The following SLC25A21 variants were observed in gnomAD, a reference collection of about 807,000 sequenced individuals.
SLC25A21 encodes the protein solute carrier family 25 member 21, also known as mitochondrial 2-oxodicarboxylate carrier.
SLC25A21 carries 47 observed loss-of-function variants against 43.8 expected under a neutral mutation model. That is an observed-to-expected ratio of 1.07 (90% confidence interval 0.85 to 1.37). The LOEUF is 1.37. Ranked by LOEUF, SLC25A21 falls within the 40% of genes most tolerant of loss-of-function variation. The probability of loss-of-function intolerance (pLI) is 0.00; values close to 1 mark genes in which losing one functional copy is unlikely to be tolerated. For synonymous variants in SLC25A21, 131 were observed against 121.3 expected (o/e 1.08, Z -0.52); for missense variants, 352 against 350.2 (o/e 1.00, Z -0.04).
At chr14:36,993,389 GA>G (rs542623459) in intron 1 of SLC25A21, among the ~76,000 whole-genome samples, 66 of 152,242 alleles carry the variant, frequency 4.3e-4, no homozygotes, top group African/African-American at 1.6e-3. Context: ...AGATTTAATT[GA>G]GAAAATAATT....
chr14:37,046,277 C>T (rs1961584180), intron 1 of SLC25A21, among the ~76,000 whole-genome samples: 1 of 152,138 alleles, frequency 6.6e-6, no homozygotes, highest in Non-Finnish European at 1.5e-5. Context: ...AAGGCTAGAG[C>T]ATATATGATC....
chr14:37,047,847 G>C (rs891391380), intron 1 of SLC25A21, among the ~76,000 whole-genome samples: 6 of 152,114 alleles, frequency 3.9e-5, no homozygotes, highest in Non-Finnish European at 5.9e-5. Context: ...CATCCTCCAA[G>C]TTATCTTTAA....
At chr14:36,995,328 G>T (rs1377613538) in intron 1 of SLC25A21, among the ~76,000 whole-genome samples, 1 of 152,048 alleles carries the variant, frequency 6.6e-6, no homozygotes, top group East Asian at 1.9e-4. Flanking sequence ...TTAATATCTG[G>T]TCAGTCTGTT....
At chr14:37,061,332 A>G in intron 1 of SLC25A21, among the ~76,000 whole-genome samples, 1 of 152,252 alleles carries the variant, frequency 6.6e-6, no homozygotes, top group East Asian at 1.9e-4. Context: ...AGTTTGCACA[A>G]TCTGCCCTCT....
intron 1 of SLC25A21, among the ~76,000 whole-genome samples, chr14:37,167,361 G>A (rs575715083): frequency 6.6e-6 from 1 of 152,238 alleles, no homozygotes; most frequent in Admixed American, 6.5e-5. Flanking sequence ...ATTCCGATAT[G>A]GTAGTGAAAC....
At chr14:37,026,618 T>C (rs1191864339) in intron 1 of SLC25A21, among the ~76,000 whole-genome samples, 6 of 152,204 alleles carry the variant, frequency 3.9e-5, no homozygotes. Context: ...CATACTCAAG[T>C]AAGTTTGGAA....
intron 1 of SLC25A21, among the ~76,000 whole-genome samples, chr14:37,078,311 G>A (rs1962322257): frequency 6.6e-6 from 1 of 152,128 alleles, no homozygotes; most frequent in Non-Finnish European, 1.5e-5. Flanking sequence ...TTCCCTAGTT[G>A]AGCTGACCTC....
intron 2 of SLC25A21, among the ~76,000 whole-genome samples, chr14:36,856,704 C>A (rs917719641): frequency 6.6e-6 from 1 of 152,132 alleles, no homozygotes; most frequent in Non-Finnish European, 1.5e-5. Context: ...GAGGCCGGCA[C>A]GCAAGGGCTA....
intron 2 of SLC25A21, among the ~76,000 whole-genome samples, chr14:36,832,846 A>G (rs191398082): frequency 1.3e-5 from 2 of 152,346 alleles, no homozygotes; most frequent in Admixed American, 1.3e-4. Context: ...CAAATCTCAG[A>G]AAACAAAGTG....
At chr14:36,902,215 G>A (rs978652972) in intron 1 of SLC25A21, among the ~76,000 whole-genome samples, 2 of 152,194 alleles carry the variant, frequency 1.3e-5, no homozygotes, top group African/African-American at 4.8e-5. Flanking sequence ...GGAAATACTG[G>A]ATTCCTCAGA....
At chr14:37,158,134 A>G (rs546193747) in intron 1 of SLC25A21, among the ~76,000 whole-genome samples, 1 of 152,304 alleles carries the variant, frequency 6.6e-6, no homozygotes, top group East Asian at 1.9e-4. Flanking sequence ...CTGAATTCAC[A>G]GTCATATTCT....
intron 2 of SLC25A21, among the ~76,000 whole-genome samples, chr14:36,848,751 A>T (rs1418300977): frequency 6.6e-6 from 1 of 152,218 alleles, no homozygotes; most frequent in Non-Finnish European, 1.5e-5. Flanking sequence ...TGACTTATTT[A>T]ATAATTGATA....
chr14:36,913,361 T>A (rs1277423819), intron 1 of SLC25A21, among the ~76,000 whole-genome samples: 1 of 152,152 alleles, frequency 6.6e-6, no homozygotes, highest in Non-Finnish European at 1.5e-5. Flanking sequence ...TGATCATGGG[T>A]CACTGCAACC....
intron 2 of SLC25A21, among the ~76,000 whole-genome samples, chr14:36,859,982 G>A (rs1890021310): frequency 6.6e-6 from 1 of 152,096 alleles, no homozygotes; most frequent in Non-Finnish European, 1.5e-5. Context: ...TAGGCACTGT[G>A]TAATATATAT....
At chr14:36,988,151 C>T (rs1252200241) in intron 1 of SLC25A21, among the ~76,000 whole-genome samples, 2 of 152,194 alleles carry the variant, frequency 1.3e-5, no homozygotes, top group East Asian at 3.9e-4. Context: ...TTCCCATCTA[C>T]CCATCACCTG....
At chr14:36,727,251 A>C (rs77647878) in intron 5 of SLC25A21, among the ~76,000 whole-genome samples, 1,828 of 152,348 alleles carry the variant, frequency 0.012, 32 homozygotes, top group African/African-American at 0.041. Flanking sequence ...TGAATCTCTG[A>C]TGAGCCACAG....
chr14:37,026,018 C>T (rs908529655), intron 1 of SLC25A21, among the ~76,000 whole-genome samples: 8 of 151,992 alleles, frequency 5.3e-5, no homozygotes, highest in African/African-American at 1.9e-4. Flanking sequence ...AGGTATAATC[C>T]ACTATGTTTT....
At chr14:37,053,555 AAAT>A (rs1566845594) in intron 1 of SLC25A21, among the ~76,000 whole-genome samples, 1 of 151,822 alleles carries the variant, frequency 6.6e-6, no homozygotes, top group Non-Finnish European at 1.5e-5. Context: ...ACATATACAA[AAAT>A]AATTTTCTTA....
At chr14:36,805,551 A>G (rs1348518454) in intron 3 of SLC25A21, among the ~76,000 whole-genome samples, 3 of 152,188 alleles carry the variant, frequency 2.0e-5, no homozygotes, top group Non-Finnish European at 2.9e-5. Flanking sequence ...AGCTTCTGCC[A>G]GCAACTGTGT....
Sources: gnomAD v4.1 joint callset for allele counts (sites outside exome capture counted in the v4.1 genomes callset) on GRCh38, gnomAD v4.1.1 for gene constraint, MANE v1.5 for transcripts, NCBI Gene and HGNC (gene_info 2026-07-23, HGNC 2026-07-21) for gene names.